Variants in SVEP1 observed in about 807,000 individuals in gnomAD.
SVEP1 encodes sushi, von Willebrand factor type A, EGF and pentraxin domain containing 1, also known as sushi, von Willebrand factor type A, EGF and pentraxin domain-containing protein 1.
In SVEP1, 164 loss-of-function variants were observed where a neutral mutation model predicts 367.3. The observed-to-expected ratio is 0.45, with a 90% confidence interval of 0.39 to 0.51. SVEP1 has a LOEUF of 0.51. Ranked by LOEUF, SVEP1 falls within the 20% of genes least tolerant of loss-of-function variation. The pLI is 0.00. For missense variants in SVEP1, 4,117 were observed against 4,425.3 expected (o/e 0.93, Z 1.98); for synonymous variants, 1,666 against 1,611.6 (o/e 1.03, Z -0.81).
Position 110,377,372 on chromosome 9 carries a change from AAAGAAGCAGGATGGGTCAC to A in SVEP1, c.10409-25_10409-7del. 3 of 1,613,500 alleles carry A rather than the reference AAAGAAGCAGGATGGGTCAC, an allele frequency of 1.9e-6. No individual in the cohort carries two copies. The highest frequency in any genetic ancestry group is 1.3e-5 in the African/African-American group (1 of 75,046). On this transcript the variant is annotated splice_region_variant and splice_polypyrimidine_tract_variant and intron_variant, in intron 44 of 47. Transcript: ENST00000374469. ...ACATGGAAATCGACAGACAGCTGGAAAAGAAGCAGGATGGGTCACAAATGTAGGGAATTATGAAGGGAAG... is the reference window on the plus strand; with the variant it reads ...ACATGGAAATCGACAGACAGCTGGAAAAATGTAGGGAATTATGAAGGGAAG...
intron 2 of SVEP1, among the ~76,000 whole-genome samples, chr9:110,549,508 G>T (rs534606157): frequency 6.6e-6 from 1 of 152,228 alleles, no homozygotes; most frequent in South Asian, 2.1e-4. Context: ...CCTCTGTCCA[G>T]ATAACTGTAA....
intron 36 of SVEP1, among the ~76,000 whole-genome samples, chr9:110,412,737 A>C (rs2118510151): frequency 6.6e-6 from 1 of 152,350 alleles, no homozygotes. Flanking sequence ...AAAGGACATG[A>C]ACAGACACTT....
At chr9:110,558,909 T>G (rs931018911) in intron 1 of SVEP1, among the ~76,000 whole-genome samples, 1 of 152,112 alleles carries the variant, frequency 6.6e-6, no homozygotes, top group African/African-American at 2.4e-5. Context: ...ATATTAAAAT[T>G]GGAAAGTCTT....
Position 110,479,711 on chromosome 9 carries a change from T to C in SVEP1, c.2411A>G (p.Tyr804Cys). Reference sequence around the variant, plus strand: ...TGTGTCATCACAACGAGCTGCTTTGTAGAACATCTCAAAGGACTTGAACCC... The same window carrying C: ...TGTGTCATCACAACGAGCTGCTTTGCAGAACATCTCAAAGGACTTGAACCC... Reference protein sequence around the residue: ...NHGFKSFEMFYKAARCDDTDL... With the variant: ...NHGFKSFEMFCKAARCDDTDL... The change falls in exon 13 of 48, where the codon TAC becomes TGC. Residue 804 changes from tyrosine to cysteine, a missense_variant. Physicochemically the swap from Tyr to Cys is radical, Grantham distance 194. This residue lies in a region of SVEP1 where 2,174 missense variants were observed against 2,494.3 expected (regional missense o/e 0.87). Transcript: ENST00000374469. 1 of 1,611,288 alleles carries C rather than the reference T, an allele frequency of 6.2e-7. No homozygotes were observed. The highest frequency in any genetic ancestry group is 8.5e-7 in the Non-Finnish European group (1 of 1,179,046).
intron 9 of SVEP1, among the ~76,000 whole-genome samples, chr9:110,487,111 C>T (rs973420648): frequency 4.6e-5 from 7 of 152,136 alleles, no homozygotes; most frequent in African/African-American, 1.7e-4. Flanking sequence ...CATGTGCCAC[C>T]ACACCTGGCT....
At chr9:110,572,208 T>C (rs1830571819) in intron 1 of SVEP1, among the ~76,000 whole-genome samples, 1 of 152,230 alleles carries the variant, frequency 6.6e-6, no homozygotes, top group Admixed American at 6.5e-5. Context: ...TGTGTAATTA[T>C]GGTCATTGTT....
At chr9:110,387,953 T>G (rs1827552093) in intron 41 of SVEP1, among the ~76,000 whole-genome samples, 1 of 144,412 alleles carries the variant, frequency 6.9e-6, no homozygotes, top group Non-Finnish European at 1.5e-5. Flanking sequence ...TTATTTTTCA[T>G]CTGAAATTTA....
intron 27 of SVEP1, among the ~76,000 whole-genome samples, chr9:110,438,177 ATTTTTTTTTT>A (rs10593866): frequency 1.5e-4 from 11 of 75,558 alleles, no homozygotes; most frequent in South Asian, 6.2e-4. Flanking sequence ...TAGTTATGCT[ATTTTTTTTTT>A]TTTTTTTTTT....
At chr9:110,506,490 C>A (rs1395652553) in intron 5 of SVEP1, among the ~76,000 whole-genome samples, 1 of 152,176 alleles carries the variant, frequency 6.6e-6, no homozygotes, top group Non-Finnish European at 1.5e-5. Flanking sequence ...TCAGCTTCTA[C>A]CATTGCCATG....
At chr9:110,378,990 T>C (rs1827393106) in intron 44 of SVEP1, among the ~76,000 whole-genome samples, 2 of 152,164 alleles carry the variant, frequency 1.3e-5, no homozygotes, top group Non-Finnish European at 2.9e-5. Context: ...TGGTTTTATC[T>C]GTGTGTACTA....
intron 1 of SVEP1, among the ~76,000 whole-genome samples, chr9:110,560,679 C>T (rs1032387610): frequency 6.6e-6 from 1 of 152,164 alleles, no homozygotes; most frequent in Non-Finnish European, 1.5e-5. Flanking sequence ...GGGTTCCCTC[C>T]TCCTGTTTTC....
Position 110,443,560 on chromosome 9 carries a change from C to A in SVEP1, c.4624G>T (p.Gly1542Cys). 6.2e-7 allele frequency: 1 copy of A among 1,607,428 alleles called. No homozygotes were observed. Among genetic ancestry groups the A allele is most frequent in the Non-Finnish European group, 8.5e-7 (1 of 1,176,890 alleles). The part of the protein sequence containing the change: ...LSDGGAGLSV[G>C]LPIPGGGALV... ...TAAAACATACCAGGTATGGGCAAAC[C>A]AACAGAGAGGCCAGCACCACCGTCA... The change falls in exon 27 of 48, where the codon GGT becomes TGT. Residue 1542 changes from glycine to cysteine, a missense_variant. By Grantham distance (159) the Gly-to-Cys change is radical (BLOSUM62 -3). Coordinates refer to ENST00000374469, the MANE Select transcript of SVEP1 (RefSeq NM_153366.4).
At chr9:110,528,074 G>GTA (rs35705480) in intron 3 of SVEP1, among the ~76,000 whole-genome samples, 89,852 of 135,458 alleles carry the variant, frequency 0.66, 30,302 homozygotes, top group Middle Eastern at 0.76. Context: ...CATGGTGTAT[G>GTA]TATATATATA....
At chr9:110,531,544 T>C (rs952729851) in intron 3 of SVEP1, among the ~76,000 whole-genome samples, 2 of 152,166 alleles carry the variant, frequency 1.3e-5, no homozygotes, top group African/African-American at 4.8e-5. Context: ...ACATGAAGGA[T>C]ATGTTTACTT....
At chr9:110,483,477 C>T (rs957318376) in intron 10 of SVEP1, 109 bp downstream of exon 10, 30 of 593,786 alleles carry the variant, frequency 5.1e-5, no homozygotes, top group Non-Finnish European at 8.5e-5. Context: ...TATTCATTCT[C>T]CCTAGACAGT....
At chr9:110,474,772 C>A (rs1014326421) in intron 14 of SVEP1, among the ~76,000 whole-genome samples, 1 of 151,890 alleles carries the variant, frequency 6.6e-6, no homozygotes, top group Non-Finnish European at 1.5e-5. Context: ...AGTAAACAAC[C>A]GAAAATAACC....
chr9:110,412,637 C>A (rs951048470), intron 36 of SVEP1, among the ~76,000 whole-genome samples: 1 of 152,092 alleles, frequency 6.6e-6, no homozygotes, highest in Admixed American at 6.5e-5. Context: ...ATTTTCACAA[C>A]CTACTCATCT....
At chr9:110,493,272 G>C (rs921678659) in intron 8 of SVEP1, among the ~76,000 whole-genome samples, 3 of 152,020 alleles carry the variant, frequency 2.0e-5, no homozygotes, top group African/African-American at 7.2e-5. Context: ...CTACACAAGA[G>C]AGATAATTTT....
chr9:110,408,801 G>T lies in SVEP1; in HGVS notation c.6799C>A (p.Pro2267Thr), dbSNP rs774054177. 1.2e-6 allele frequency: 2 copies of T among 1,612,960 alleles called. No homozygotes were observed. The highest frequency in any genetic ancestry group is 1.7e-5 in the Admixed American group (1 of 60,006). The change falls in exon 38 of 48, where the codon CCT becomes ACT. Residue 2267 changes from proline to threonine, a missense_variant. This residue lies in a region of SVEP1 where 1,765 missense variants were observed against 1,781.1 expected (regional missense o/e 0.99). Transcript: ENST00000374469. ...ATGAAGCCATTCTGGATCGGGGGAG[G>T]TTTTCCACAGTCGAGAGGAACACAC... ...LMCVPLDCGK[P>T]PPIQNGFMKG... is the part of the protein sequence containing the mutation.
Sources: allele counts gnomAD v4.1 joint callset (sites outside exome capture counted in the v4.1 genomes callset), GRCh38; gene constraint gnomAD v4.1.1; regional missense constraint gnomAD v4.1.1; transcripts MANE v1.5; gene names NCBI Gene and HGNC (gene_info 2026-07-23, HGNC 2026-07-21).